Variants in EFR3B observed in about 807,000 individuals in gnomAD.
EFR3B encodes EFR3 homolog B.
A neutral mutation model predicts 104.7 loss-of-function variants in EFR3B; 64 were observed. That is an observed-to-expected ratio of 0.61 (90% CI 0.50 to 0.75). The LOEUF is 0.75. EFR3B is among the 30% of genes least tolerant of loss of function. EFR3B has a pLI of 0.00. For missense variants in EFR3B, 750 were observed against 1,078.5 expected (o/e 0.70, Z 4.27); for synonymous variants, 385 against 417.9 (o/e 0.92, Z 0.96).
chr2:25,110,086 C>G (rs1452324206), intron 4 of EFR3B, among the ~76,000 whole-genome samples: 1 of 151,916 alleles, frequency 6.6e-6, no homozygotes, highest in Non-Finnish European at 1.5e-5. Context: ...GCACCCTGTT[C>G]CCCCCCATCT....
At chr2:25,080,526 C>G (rs1280877372) in intron 1 of EFR3B, 1 of 482,854 alleles carries the variant, frequency 2.1e-6, no homozygotes, top group African/African-American at 2.0e-5. Context: ...ACCTCCTGAC[C>G]TCAGGTATCT....
At position 25,069,564 on chromosome 2, in the gene EFR3B, T is replaced by G. The variant is rs184466900; in HGVS notation, c.8-21761T>G. Among the ~76,000 whole-genome samples, 17 of 152,356 alleles carry G rather than the reference T, an allele frequency of 1.1e-4. No homozygotes were observed. The East Asian group carries it at 3.1e-3, about 28-fold the overall frequency. On this transcript the variant is annotated intron_variant, in intron 1 of 22. Coordinates refer to ENST00000403714, the MANE Select transcript of EFR3B (RefSeq NM_014971.2). ...GGTGTTCCAGCTCCATGACTGCTCCTGCAGGGCAGGGCTACCATGTAGACA... is the reference window on the plus strand; with the variant it reads ...GGTGTTCCAGCTCCATGACTGCTCCGGCAGGGCAGGGCTACCATGTAGACA...
intron 1 of EFR3B, among the ~76,000 whole-genome samples, chr2:25,059,321 T>C (rs1668114828): frequency 6.6e-6 from 1 of 152,012 alleles, no homozygotes; most frequent in Non-Finnish European, 1.5e-5. Flanking sequence ...TGACCTCAGG[T>C]GATCCACCTG....
At chr2:25,044,124 TTA>T (rs1270809185) in intron 1 of EFR3B, among the ~76,000 whole-genome samples, 1 of 152,078 alleles carries the variant, frequency 6.6e-6, no homozygotes, top group Non-Finnish European at 1.5e-5. Flanking sequence ...TAATATATTT[TTA>T]TTTCCCCAGA....
In EFR3B at chr2:25,154,279, A is replaced by T; in HGVS notation, c.2393A>T (p.Gln798Leu). ...PSGTITAAYGQPQNHSIPVYE... is the reference protein window; with the variant it reads ...PSGTITAAYGLPQNHSIPVYE... ...GGAACCATCACTGCAGCCTACGGTC[A>T]GCCGCAGAACCACTCCATCCCCGTC... is the stretch of plus-strand genomic sequence containing the variant. The change falls in exon 23 of 23, where the codon CAG (glutamine) becomes CTG (leucine). Residue 798 changes from glutamine (Q) to leucine (L), a missense_variant. Gln to Leu is a moderately radical substitution (Grantham distance 113). Coordinates refer to ENST00000403714, the MANE Select transcript of EFR3B (RefSeq NM_014971.2). The surrounding 1 kb of genome is among the most constrained non-coding windows in gnomAD (Gnocchi z 4.1). 3 of 1,551,978 alleles carry T rather than the reference A, an allele frequency of 1.9e-6. No individual in the cohort carries two copies. In the East Asian group the frequency reaches 7.3e-5, roughly 38 times the overall value.
rs1349509343 is a variant in EFR3B at position 25,151,952 on chromosome 2, C to T, written c.2230C>T (p.Arg744Trp). Residue 744 changes from arginine to tryptophan, a missense_variant, in exon 21 of 23, where the codon CGG becomes TGG. Coordinates refer to ENST00000403714, the MANE Select transcript of EFR3B (RefSeq NM_014971.2). The stretch of plus-strand genomic sequence containing the variant: ...AGTGGAGGAGCAGGAGCGTGAGCGG[C>T]GGCGGCAGGTGGTGGAGAAGTTCCA... ...VAVEEQERER[R>W]RQVVEKFQKA... 3.2e-6 allele frequency: 5 copies of T among 1,551,702 alleles called. No homozygotes were observed. Among genetic ancestry groups the T allele is most frequent in the South Asian group, 2.4e-5 (2 of 84,060 alleles).
chr2:25,051,623 TTGTG>T lies in EFR3B; in HGVS notation c.7+9316_7+9319del, dbSNP rs71392994. ...TGAAAGCAGAGAACACATTTCTCTTTTGTGTGTGTGTGTGTTTTTTTTTTTTTTT... is the reference window on the plus strand; with the variant it reads ...TGAAAGCAGAGAACACATTTCTCTTTTGTGTGTGTGTTTTTTTTTTTTTTT... On this transcript the variant is annotated intron_variant, in intron 1 of 22. Coordinates refer to ENST00000403714, the MANE Select transcript of EFR3B (RefSeq NM_014971.2). Among the ~76,000 whole-genome samples the T allele has an allele frequency of 4.0e-4, 56 of 139,914 alleles. 1 individual carries two copies. Among genetic ancestry groups the T allele is most frequent in the Non-Finnish European group, 6.5e-4 (42 of 64,350 alleles). 91.8% of individuals were successfully genotyped at this position (139,914 alleles called of 152,430 possible). A position where few individuals can be genotyped will look rare whatever the true frequency, so the allele number is the denominator to read the frequency against.
At position 25,042,591 on chromosome 2, in the gene EFR3B, G is replaced by A; in HGVS notation, c.7+272G>A. ...GGGGCGGAGGCTCAGGGGAAAGCGG[G>A]TCTCCCGGAGCCGAGCAGACCGGGA... On this transcript the variant is annotated intron_variant, in intron 1 of 22. Coordinates refer to ENST00000403714, the MANE Select transcript of EFR3B (RefSeq NM_014971.2). This position sits in a 1 kb window ranked among gnomAD's most constrained non-coding sequence, Gnocchi z 5.4. 3 of 1,193,192 alleles carry A rather than the reference G, an allele frequency of 2.5e-6. No individual in the cohort carries two copies. The highest frequency in any genetic ancestry group is 3.1e-6 in the Non-Finnish European group (3 of 963,396). 73.9% of individuals were successfully genotyped at this position (1,193,192 alleles called of 1,614,324 possible).
intron 5 of EFR3B, 90 bp from the exon 6 acceptor site, chr2:25,128,093 C>G: frequency 1.4e-6 from 2 of 1,445,934 alleles, no homozygotes; most frequent in South Asian, 2.7e-5. Flanking sequence ...GTATCCCTGA[C>G]TCCTAAGCTG....
intron 1 of EFR3B, among the ~76,000 whole-genome samples, chr2:25,065,079 C>CG (rs140212016): frequency 0.15 from 22,142 of 151,286 alleles, 1,963 homozygotes; most frequent in African/African-American, 0.24. Context: ...TCCCACCTGG[C>CG]GGGGGGGGCG....
intron 1 of EFR3B, among the ~76,000 whole-genome samples, chr2:25,047,336 G>A (rs951124576): frequency 3.9e-5 from 6 of 152,008 alleles, no homozygotes; most frequent in Admixed American, 1.3e-4. Context: ...TCCGACCCTC[G>A]GGTAATCTTG....
At chr2:25,106,321 G>T (rs1029416464) in intron 4 of EFR3B, among the ~76,000 whole-genome samples, 2 of 151,672 alleles carry the variant, frequency 1.3e-5, no homozygotes, top group East Asian at 3.9e-4. Flanking sequence ...GCAGAGCCTC[G>T]CTGTGTCACC....
intron 3 of EFR3B, among the ~76,000 whole-genome samples, chr2:25,099,061 C>T (rs999799494): frequency 2.4e-4 from 37 of 152,120 alleles, no homozygotes; most frequent in Admixed American, 1.8e-3. Flanking sequence ...TGGGATGATT[C>T]GTAAGGGAAG....
At chr2:25,129,078 C>G (rs977949449) in intron 6 of EFR3B, among the ~76,000 whole-genome samples, 2 of 148,550 alleles carry the variant, frequency 1.3e-5, no homozygotes, top group African/African-American at 4.9e-5. Context: ...GATGCTATTT[C>G]AGGCCCTGAA....
rs763923347 is a variant in EFR3B, at chr2:25,042,542, C to G, written c.7+223C>G. The G allele has an allele frequency of 1.2e-3, 1,464 of 1,205,744 alleles. 3 individuals are homozygous for G. Among genetic ancestry groups the G allele is most frequent in the Admixed American group, 1.4e-3 (33 of 22,834 alleles). The allele number at this position is 1,205,744 out of a possible 1,614,324, so 74.7% of individuals were successfully genotyped here. ...GGTCCTCTCCAGGCCCGGCGCGTGCCGGTGCTGGGCGGTGGTCCTTCGGGG... is the reference window on the plus strand; with the variant it reads ...GGTCCTCTCCAGGCCCGGCGCGTGCGGGTGCTGGGCGGTGGTCCTTCGGGG... On this transcript the variant is annotated intron_variant, in intron 1 of 22. Transcript: ENST00000403714. The surrounding 1 kb of genome is among the most constrained non-coding windows in gnomAD (Gnocchi z 5.4).
intron 1 of EFR3B, among the ~76,000 whole-genome samples, chr2:25,050,435 T>A (rs1452801524): frequency 6.6e-6 from 1 of 152,148 alleles, no homozygotes; most frequent in Admixed American, 6.5e-5. Context: ...AAAAGCTCTG[T>A]GTGGGGGTGC....
intron 1 of EFR3B, among the ~76,000 whole-genome samples, chr2:25,074,044 T>C (rs962330123): frequency 6.6e-6 from 1 of 152,242 alleles, no homozygotes; most frequent in Non-Finnish European, 1.5e-5. Context: ...ATGTCTCATA[T>C]AGCCAGGTAG....
intron 1 of EFR3B, chr2:25,080,283 C>CTTTTTTTTTTTTTTTTTTTATTTTTT (rs1668757350): frequency 7.1e-6 from 1 of 140,356 alleles, no homozygotes; most frequent in Non-Finnish European, 1.2e-5. Flanking sequence ...CTCCCCAAAG[C>CTTTTTTTTTTTTTTTTTTTATTTTTT]TTTTTTTTTT....
intron 4 of EFR3B, among the ~76,000 whole-genome samples, chr2:25,109,516 G>A (rs13408508): frequency 0.021 from 3,181 of 152,254 alleles, 115 homozygotes; most frequent in African/African-American, 0.07. Context: ...CAATTCTGCC[G>A]GGTATATACC....
Sources: gnomAD v4.1 joint callset for allele counts (sites outside exome capture counted in the v4.1 genomes callset) on GRCh38, gnomAD v4.1.1 for gene constraint, Gnocchi (gnomAD v3.1) non-coding constraint, MANE v1.5 for transcripts, NCBI Gene and HGNC (gene_info 2026-07-23, HGNC 2026-07-21) for gene names.